HIPK3: variants seen among roughly 807,000 people sequenced by gnomAD.
HIPK3 encodes the protein homeodomain interacting protein kinase 3.
Under a neutral mutation model 124.2 loss-of-function variants are expected in HIPK3, and 47 were observed. That is an observed-to-expected ratio of 0.38 (90% CI 0.30 to 0.48). The LOEUF (loss-of-function observed/expected upper bound fraction) is 0.48, where lower values mean the gene tolerates loss of function less well. HIPK3 is among the 20% of genes least tolerant of loss of function. HIPK3 has a pLI of 0.98. For missense variants in HIPK3, 1,286 were observed against 1,454.3 expected (o/e 0.88, Z 1.88); for synonymous variants, 482 against 515.2 (o/e 0.94, Z 0.87).
intron 1 of HIPK3, among the ~76,000 whole-genome samples, chr11:33,272,943 G>A (rs1851174260): frequency 6.6e-6 from 1 of 151,066 alleles, no homozygotes; most frequent in South Asian, 2.1e-4. Context: ...AAACTCCTGG[G>A]CTCAAGGCAT....
intron 1 of HIPK3, among the ~76,000 whole-genome samples, chr11:33,282,946 C>T: frequency 6.6e-6 from 1 of 152,120 alleles, no homozygotes; most frequent in Admixed American, 6.5e-5. Flanking sequence ...TTGGAAGCCT[C>T]ACAAAAGTGC....
At chr11:33,263,923 G>T (rs576787986) in intron 1 of HIPK3, among the ~76,000 whole-genome samples, 1 of 152,252 alleles carries the variant, frequency 6.6e-6, no homozygotes, top group South Asian at 2.1e-4. Flanking sequence ...CAAGTGTGAA[G>T]ACTATAGAAC....
chr11:33,310,194 C>T (rs1451396105), intron 2 of HIPK3, among the ~76,000 whole-genome samples: 1 of 152,086 alleles, frequency 6.6e-6, no homozygotes, highest in South Asian at 2.1e-4. Context: ...AATATGGTAG[C>T]CACTAATCAC....
chr11:33,280,539 TAA>T (rs1357557502), intron 1 of HIPK3, among the ~76,000 whole-genome samples: 1 of 152,212 alleles, frequency 6.6e-6, no homozygotes, highest in African/African-American at 2.4e-5. Context: ...TGATGAACTA[TAA>T]CTTGCATGAT....
intron 6 of HIPK3, among the ~76,000 whole-genome samples, 172 bp downstream of exon 6, chr11:33,339,706 C>T (rs1328806385): frequency 6.6e-6 from 1 of 152,104 alleles, no homozygotes; most frequent in African/African-American, 2.4e-5. Context: ...GAACTAGAAC[C>T]CAAGTCTGAA....
intron 1 of HIPK3, among the ~76,000 whole-genome samples, chr11:33,278,349 AAAG>A (rs1258984868): frequency 6.6e-6 from 1 of 152,226 alleles, no homozygotes; most frequent in East Asian, 1.9e-4. Context: ...GGTCAAAGGA[AAAG>A]AAGGACAATA....
rs201133345 is a variant in HIPK3 at position 33,339,450 on chromosome 11, C to G, written c.1529C>G (p.Ala510Gly). Reference sequence around the variant, plus strand: ...TTGAAGAAAATGTTGCTGATTGATGCAGATTTAAGAATTACTCCAGCTGAG... The same window carrying G: ...TTGAAGAAAATGTTGCTGATTGATGGAGATTTAAGAATTACTCCAGCTGAG... ...SLLKKMLLIDADLRITPAETL... is the reference protein window; with the variant it reads ...SLLKKMLLIDGDLRITPAETL... The change falls in exon 6 of 17, where the codon GCA becomes GGA. Residue 510 changes from alanine to glycine, a missense_variant. By Grantham distance (60) the Ala-to-Gly change is moderately conservative. This residue lies in a region of HIPK3 where 810 missense variants were observed against 864.9 expected (regional missense o/e 0.94). Coordinates refer to ENST00000303296, the MANE Select transcript of HIPK3 (RefSeq NM_005734.5). 1 of 1,612,838 alleles carries G rather than the reference C, an allele frequency of 6.2e-7. No individual in the cohort carries two copies. Among genetic ancestry groups the G allele is most frequent in the Non-Finnish European group, 8.5e-7 (1 of 1,178,986 alleles).
intron 3 of HIPK3, among the ~76,000 whole-genome samples, chr11:33,336,237 A>G (rs1853144422): frequency 6.6e-6 from 1 of 152,152 alleles, no homozygotes; most frequent in Non-Finnish European, 1.5e-5. Flanking sequence ...TATCTAGGGG[A>G]AGAATGTTTC....
At chr11:33,282,884 C>T (rs781468297) in intron 1 of HIPK3, among the ~76,000 whole-genome samples, 1 of 152,024 alleles carries the variant, frequency 6.6e-6, no homozygotes, top group Non-Finnish European at 1.5e-5. Context: ...TCAAGACCAG[C>T]GTGGGCAATA....
chr11:33,257,222 C>A (rs1294266489), upstream of HIPK3: 4 of 983,802 alleles, frequency 4.1e-6, no homozygotes, highest in Non-Finnish European at 4.8e-6. Flanking sequence ...TGCGGACTGG[C>A]GGGCGGACCC....
chr11:33,276,390 A>AT (rs1193975589), intron 1 of HIPK3, among the ~76,000 whole-genome samples: 1 of 152,192 alleles, frequency 6.6e-6, no homozygotes, highest in African/African-American at 2.4e-5. Context: ...TTGTTTTCAT[A>AT]TTTTTGAGAC....
rs34071212 is a variant in HIPK3 at position 33,313,484 on chromosome 11, TCAAA to T, written c.1098-15023_1098-15020del. On this transcript the variant is annotated intron_variant, in intron 2 of 16. Coordinates refer to ENST00000303296, the MANE Select transcript of HIPK3 (RefSeq NM_005734.5). ...GGGTACAGTGTCTGCCACTTAACTC[TCAAA>T]CAGTTCAGAAAAATTATATTTGTGT... 8.1e-3 allele frequency among the ~76,000 whole-genome samples: 1,237 copies of T among 152,246 alleles called. 12 individuals are homozygous for T. Among genetic ancestry groups the T allele is most frequent in the Non-Finnish European group, 0.013 (857 of 68,020 alleles).
intron 1 of HIPK3, chr11:33,258,698 GCT>G: frequency 1.0e-6 from 1 of 985,356 alleles, no homozygotes; most frequent in Non-Finnish European, 1.2e-6. Flanking sequence ...ATGGTATGTG[GCT>G]CTCGGGGAAT....
intron 1 of HIPK3, among the ~76,000 whole-genome samples, chr11:33,279,909 G>A (rs1464782444): frequency 2.6e-5 from 4 of 151,850 alleles, no homozygotes; most frequent in Non-Finnish European, 2.9e-5. Flanking sequence ...ATGTAAAAGA[G>A]CACTAATCCC....
chr11:33,329,715 T>C (rs1472617309), intron 3 of HIPK3, among the ~76,000 whole-genome samples: 3 of 152,170 alleles, frequency 2.0e-5, no homozygotes, highest in Admixed American at 6.5e-5. Context: ...TGTAAAATTT[T>C]CCATACATCC....
intron 2 of HIPK3, among the ~76,000 whole-genome samples, chr11:33,309,272 T>TCTTCCCTC (rs1454419798): frequency 2.0e-5 from 3 of 152,158 alleles, no homozygotes; most frequent in South Asian, 2.1e-4. Context: ...CTTGCTCCCT[T>TCTTCCCTC]CTTCCCTCCT....
Position 33,355,721 on chromosome 11 carries a change from A to G in HIPK3, c.*2153A>G, listed in dbSNP as rs1853798594. 1 of 152,026 alleles carries G rather than the reference A, an allele frequency of 6.6e-6. No individual in the cohort carries two copies. The highest frequency in any genetic ancestry group is 6.6e-5 in the Admixed American group (1 of 15,262). 9.4% of individuals were successfully genotyped at this position (152,026 alleles called of 1,614,324 possible). ...TTTAAAAATTACAGTATTAGATCATAAAGTAAAAACCAGCAGTACATTTTT... is the reference window on the plus strand; with the variant it reads ...TTTAAAAATTACAGTATTAGATCATGAAGTAAAAACCAGCAGTACATTTTT... On this transcript the variant is annotated 3_prime_UTR_variant, in exon 17 of 17. Coordinates refer to ENST00000303296, the MANE Select transcript of HIPK3 (RefSeq NM_005734.5).
chr11:33,332,715 G>A (rs1422997452), intron 3 of HIPK3, among the ~76,000 whole-genome samples: 2 of 152,116 alleles, frequency 1.3e-5, no homozygotes, highest in East Asian at 3.8e-4. Context: ...AGGCTATTTA[G>A]CAAAGAGACC....
At chr11:33,276,240 C>A (rs1851266388) in intron 1 of HIPK3, among the ~76,000 whole-genome samples, 1 of 151,986 alleles carries the variant, frequency 6.6e-6, no homozygotes. Context: ...TAACTAATTG[C>A]ATAAAGTAAA....
Sources: gnomAD v4.1 joint callset for allele counts (sites outside exome capture counted in the v4.1 genomes callset) on GRCh38, gnomAD v4.1.1 for gene constraint, gnomAD v4.1.1 regional missense constraint, MANE v1.5 for transcripts, NCBI Gene and HGNC (gene_info 2026-07-23, HGNC 2026-07-21) for gene names.